STARD9: variants seen among roughly 807,000 people sequenced by gnomAD.
The protein encoded by STARD9 is stAR-related lipid transfer protein 9.
In STARD9, 346 loss-of-function variants were observed where a neutral mutation model predicts 399.8. The observed-to-expected ratio is 0.87, with a 90% CI of 0.79 to 0.95. The LOEUF (loss-of-function observed/expected upper bound fraction) is 0.95. Ranked by LOEUF, STARD9 falls within the 40% of genes least tolerant of loss-of-function variation. The probability of loss-of-function intolerance (pLI) is 0.00; values close to 1 mark genes in which losing one functional copy is unlikely to be tolerated. For missense variants in STARD9, 5,832 were observed against 5,667.5 expected (o/e 1.03, Z -0.93); for synonymous variants, 2,203 against 2,143.5 (o/e 1.03, Z -0.77).
chr15:42,577,689 A>G lies in STARD9; in HGVS notation c.47+1927A>G, dbSNP rs530820414. On this transcript the variant is annotated intron_variant, in intron 1 of 32. Coordinates refer to ENST00000290607, the MANE Select transcript of STARD9 (RefSeq NM_020759.3). The stretch of plus-strand genomic sequence containing the variant: ...AGGCTGAAGATTCAGGAGCAGATAC[A>G]GATAAACCCAGTGTGGCCCCAGCCA... Among the ~76,000 whole-genome samples, 27 of 152,336 alleles carry G rather than the reference A, an allele frequency of 1.8e-4. No homozygotes were observed. In the East Asian group the frequency reaches 5.0e-3, roughly 28 times the overall value.
chr15:42,619,174 A>T (rs1355670109), intron 3 of STARD9, among the ~76,000 whole-genome samples: 2 of 152,104 alleles, frequency 1.3e-5, no homozygotes, highest in Non-Finnish European at 2.9e-5. Flanking sequence ...AGATTCTTGT[A>T]ATCACCACAG....
chr15:42,682,332 G>C lies in STARD9; in HGVS notation c.2294G>C (p.Arg765Pro). 1 of 1,537,198 alleles carries C rather than the reference G, an allele frequency of 6.5e-7. No homozygotes were observed. Among genetic ancestry groups the C allele is most frequent in the Non-Finnish European group, 8.7e-7 (1 of 1,146,892 alleles). Residue 765 changes from arginine to proline, a missense_variant, in exon 22 of 33, where the codon CGG becomes CCG. Physicochemically the swap from Arg to Pro is moderately radical, Grantham distance 103 (BLOSUM62 -2). Around this residue, in one of 2 missense-constraint regions of STARD9, gnomAD observed 5,828 missense variants for 5,651.1 expected, o/e 1.03. Coordinates refer to ENST00000290607, the MANE Select transcript of STARD9 (RefSeq NM_020759.3). The stretch of plus-strand genomic sequence containing the variant: ...CGGGCAGCAGAGCGGAATGTCCGGC[G>C]GAAAAAGGTCTCATTCCAGCTAGAG... ...TLRAAERNVR[R>P]KKVSFQLERI... is the part of the protein sequence containing the mutation.
chr15:42,679,301 T>C (rs1052932733), intron 20 of STARD9, among the ~76,000 whole-genome samples: 2 of 152,256 alleles, frequency 1.3e-5, no homozygotes, highest in Non-Finnish European at 2.9e-5. Context: ...TGTTTGGCAT[T>C]AACAGGTTTC....
chr15:42,695,016 A>G, intron 24 of STARD9, 124 bp from the exon 25 acceptor site: 1 of 894,170 alleles, frequency 1.1e-6, no homozygotes, highest in Non-Finnish European at 1.6e-6. Flanking sequence ...CATACTTTAA[A>G]ACCCTGTGGG....
intron 26 of STARD9, among the ~76,000 whole-genome samples, chr15:42,698,485 A>G (rs1163302927): frequency 6.6e-6 from 1 of 152,076 alleles, no homozygotes; most frequent in Non-Finnish European, 1.5e-5. Context: ...CCATCTGTTC[A>G]TATCCTTTGC....
At position 42,694,173 on chromosome 15, in the gene STARD9, C is replaced by T. The variant is rs899243231; in HGVS notation, c.12595C>T (p.Leu4199=). The T allele has an allele frequency of 1.4e-5, 22 of 1,535,134 alleles. No homozygotes were observed. Among genetic ancestry groups the T allele is most frequent in the Admixed American group, 7.9e-5 (4 of 50,636 alleles). ...SEWSKREQIP[L]QVGAQNLSLS... is the part of the protein sequence containing the mutation. ...GTGGTCCAAGAGGGAGCAGATCCCC[C>T]TGCAAGTTGGGGCCCAGAACCTCTC... The change falls in exon 23 of 33, where the codon CTG becomes TTG. Residue 4199 remains leucine, a synonymous_variant. Transcript: ENST00000290607.
Position 42,719,455 on chromosome 15 carries a change from T to G in STARD9, c.14002-18T>G. ...TCAAATCTATTTGCACCTTAAATTC[T>G]TCTCTCTCTGCTTTCAGGTGGAACT... On this transcript the variant is annotated intron_variant, in intron 32 of 32. Coordinates refer to ENST00000290607, the MANE Select transcript of STARD9 (RefSeq NM_020759.3). The G allele has an allele frequency of 6.7e-7, 1 of 1,502,078 alleles. No individual in the cohort carries two copies. Among genetic ancestry groups the G allele is most frequent in the Non-Finnish European group, 9.0e-7 (1 of 1,115,046 alleles). The allele number at this position is 1,502,078 out of a possible 1,614,324, so 93.0% of individuals were successfully genotyped here.
At chr15:42,617,270 G>C (rs569794357) in intron 3 of STARD9, among the ~76,000 whole-genome samples, 3 of 152,250 alleles carry the variant, frequency 2.0e-5, no homozygotes, top group Admixed American at 6.5e-5. Flanking sequence ...GATTAATATA[G>C]GATTTCAGAA....
intron 3 of STARD9, among the ~76,000 whole-genome samples, chr15:42,587,552 G>T (rs1350611843): frequency 6.6e-6 from 1 of 151,974 alleles, no homozygotes; most frequent in Non-Finnish European, 1.5e-5. Context: ...TGTGGCCCTT[G>T]ATTTATGTAT....
At chr15:42,612,487 T>TA (rs953602468) in intron 3 of STARD9, among the ~76,000 whole-genome samples, 57 of 152,314 alleles carry the variant, frequency 3.7e-4, no homozygotes, top group African/African-American at 1.3e-3. Flanking sequence ...GGCAAGAACT[T>TA]AGAGTCTATT....
chr15:42,666,193 A>G (rs2060099801), intron 15 of STARD9, among the ~76,000 whole-genome samples: 1 of 152,220 alleles, frequency 6.6e-6, no homozygotes, highest in Non-Finnish European at 1.5e-5. Context: ...AGAGGTACAG[A>G]GAGGTCCCTG....
chr15:42,663,929 TC>T lies in STARD9; in HGVS notation c.1176+13del. 1 of 1,486,824 alleles carries T rather than the reference TC, an allele frequency of 6.7e-7. No homozygotes were observed. The highest frequency in any genetic ancestry group is 9.1e-7 in the Non-Finnish European group (1 of 1,101,098). The allele number at this position is 1,486,824 out of a possible 1,614,324, so 92.1% of individuals were successfully genotyped here. On this transcript the variant is annotated intron_variant, in intron 13 of 32. Coordinates refer to ENST00000290607, the MANE Select transcript of STARD9 (RefSeq NM_020759.3). ...CACGAGTAAATGAGGTGAGACCTTT[TC>T]AGAAGTCCTGGTCTGGTATAGTTTA... is the stretch of plus-strand genomic sequence containing the variant.
rs1437026035 is a variant in STARD9 at position 42,688,539 on chromosome 15, G to A, written c.6961G>A (p.Glu2321Lys). ...ETVSPLLSRT[E>K]FCTAPLHQDL... Reference sequence around the variant, plus strand: ...TGTCAGCCCATTACTAAGCCGGACAGAATTCTGTACAGCTCCTCTTCACCA... The same window carrying A: ...TGTCAGCCCATTACTAAGCCGGACAAAATTCTGTACAGCTCCTCTTCACCA... Residue 2321 changes from glutamate (E) to lysine (K), a missense_variant, in exon 23 of 33, where the codon GAA (glutamate) becomes AAA (lysine). This residue lies in a region of STARD9 where 5,828 missense variants were observed against 5,651.1 expected (regional missense o/e 1.03). Coordinates refer to ENST00000290607, the MANE Select transcript of STARD9 (RefSeq NM_020759.3). The A allele has an allele frequency of 2.6e-6, 4 of 1,537,866 alleles. No homozygotes were observed. The highest frequency in any genetic ancestry group is 3.5e-6 in the Non-Finnish European group (4 of 1,147,058).
At chr15:42,651,841 G>A (rs896659900) in intron 8 of STARD9, among the ~76,000 whole-genome samples, 3 of 152,136 alleles carry the variant, frequency 2.0e-5, no homozygotes, top group Non-Finnish European at 4.4e-5. Context: ...CATGAGACTA[G>A]CCTCTAGATT....
intron 3 of STARD9, among the ~76,000 whole-genome samples, chr15:42,607,804 C>G (rs985677348): frequency 1.3e-5 from 2 of 152,114 alleles, no homozygotes; most frequent in African/African-American, 4.8e-5. Context: ...TGATCAGTAT[C>G]TTCCACATAG....
rs1179672382 is a variant in STARD9 at position 42,688,527 on chromosome 15, C to T, written c.6949C>T (p.Leu2317=). The change falls in exon 23 of 33, where the codon CTA becomes TTA. Residue 2317 remains leucine, a synonymous_variant. Coordinates refer to ENST00000290607, the MANE Select transcript of STARD9 (RefSeq NM_020759.3). The stretch of plus-strand genomic sequence containing the variant: ...CAGGCAGGAAACTGTCAGCCCATTA[C>T]TAAGCCGGACAGAATTCTGTACAGC... The part of the protein sequence containing the change: ...FFRQETVSPL[L]SRTEFCTAPL... 12 of 1,537,782 alleles carry T rather than the reference C, an allele frequency of 7.8e-6. No homozygotes were observed. The Admixed American group carries it at 2.2e-4, about 28-fold the overall frequency.
intron 7 of STARD9, among the ~76,000 whole-genome samples, chr15:42,639,386 C>A (rs1201398660): frequency 1.3e-5 from 2 of 152,150 alleles, no homozygotes; most frequent in Non-Finnish European, 2.9e-5. Context: ...CCTTTCTCTG[C>A]CATTGGTGGT....
Position 42,719,667 on chromosome 15 carries a change from T to C in STARD9, c.*93T>C. The C allele has an allele frequency of 3.6e-6, 3 of 838,326 alleles. No individual in the cohort carries two copies. Among genetic ancestry groups the C allele is most frequent in the Non-Finnish European group, 5.6e-6 (3 of 534,514 alleles). The allele number at this position is 838,326 out of a possible 1,614,324, so 51.9% of individuals were successfully genotyped here. ...CTCCTTGTTACTTTCCATACCACAG[T>C]GCAGGAAAAGCTGATGCTACCTGCT... is the stretch of plus-strand genomic sequence containing the variant. On this transcript the variant is annotated 3_prime_UTR_variant, in exon 33 of 33. Transcript: ENST00000290607.
In STARD9 at chr15:42,605,902, G is replaced by A. The variant is rs1445217084; in HGVS notation, c.234+20265G>A. On this transcript the variant is annotated intron_variant, in intron 3 of 32. Transcript: ENST00000290607. ...GCGATGTTTAAAGCACAAACATGTC[G>A]TGGTCTCTGGCTGGTATTGCTTTTC... Among the ~76,000 whole-genome samples, 5 of 152,140 alleles carry A rather than the reference G, an allele frequency of 3.3e-5. 1 individual carries two copies. Among genetic ancestry groups the A allele is most frequent in the Admixed American group, 1.3e-4 (2 of 15,280 alleles).
Sources: gnomAD v4.1 joint callset for allele counts (sites outside exome capture counted in the v4.1 genomes callset) on GRCh38, gnomAD v4.1.1 for gene constraint, gnomAD v4.1.1 regional missense constraint, MANE v1.5 for transcripts, NCBI Gene and HGNC (gene_info 2026-07-23, HGNC 2026-07-21) for gene names.